GPR107: variants seen among roughly 807,000 people sequenced by gnomAD.
GPR107 encodes protein GPR107.
GPR107 carries 31 observed loss-of-function variants against 75.5 expected under a neutral mutation model. That is an observed-to-expected ratio of 0.41 (90% CI 0.31 to 0.55). GPR107 has a LOEUF of 0.55. Among genes scored for constraint, GPR107 ranks in the 20% least tolerant of loss-of-function variants. The probability of loss-of-function intolerance (pLI) is 0.26; values close to 1 mark genes in which losing one functional copy is unlikely to be tolerated. For missense variants in GPR107, 572 were observed against 665.7 expected (o/e 0.86, Z 1.55); for synonymous variants, 267 against 251.3 (o/e 1.06, Z -0.59).
At chr9:130,074,996 A>C (rs10739772) in intron 1 of GPR107, among the ~76,000 whole-genome samples, 1 of 150,584 alleles carries the variant, frequency 6.6e-6, no homozygotes, top group African/African-American at 2.4e-5. Context: ...CCTGCCCTGG[A>C]ATTCACATTT....
intron 14 of GPR107, chr9:130,110,564 C>T (rs770284834): frequency 1.0e-4 from 65 of 647,732 alleles, no homozygotes; most frequent in Non-Finnish European, 1.7e-4. Context: ...GGTTCATGTT[C>T]TTTTCCCTGA....
At chr9:130,073,876 C>T (rs1382764087) in intron 1 of GPR107, among the ~76,000 whole-genome samples, 4 of 152,250 alleles carry the variant, frequency 2.6e-5, no homozygotes. Context: ...CTGCCTCAGC[C>T]TCCCAAGTAG....
chr9:130,104,680 G>T, intron 13 of GPR107, 130 bp downstream of exon 13: 1 of 744,176 alleles, frequency 1.3e-6, no homozygotes, highest in East Asian at 2.7e-5. Context: ...CTGAGTCCCA[G>T]ACTGACCTGA....
chr9:130,117,363 T>C (rs529373343), intron 14 of GPR107, among the ~76,000 whole-genome samples: 1 of 152,198 alleles, frequency 6.6e-6, no homozygotes, highest in Non-Finnish European at 1.5e-5. Context: ...GCTCCTGATA[T>C]GGTCTTTGAG....
chr9:130,070,074 G>T (rs1830168116), intron 1 of GPR107, among the ~76,000 whole-genome samples: 1 of 144,074 alleles, frequency 6.9e-6, no homozygotes, highest in Admixed American at 7.2e-5. Context: ...CATGATCTTG[G>T]CTCATTTGGC....
At chr9:130,109,889 A>C (rs765861078) in intron 14 of GPR107, among the ~76,000 whole-genome samples, 1 of 152,196 alleles carries the variant, frequency 6.6e-6, no homozygotes, top group Non-Finnish European at 1.5e-5. Flanking sequence ...TTATTTTAAT[A>C]TATCGCGATG....
rs1156906586 is a variant in GPR107 at position 130,139,657 on chromosome 9, T to G, written c.*4536T>G. 6.6e-6 allele frequency: 1 copy of G among 152,260 alleles called. No individual in the cohort carries two copies. Among genetic ancestry groups the G allele is most frequent in the Non-Finnish European group, 1.5e-5 (1 of 68,140 alleles). The allele number at this position is 152,260 out of a possible 1,614,324, so 9.4% of individuals were successfully genotyped here. ...AGGGTGTCTGCAGGTGGGACGGCGT[T>G]CTGGGCAGAGTCAGAATGGTCAGAA... On this transcript the variant is annotated 3_prime_UTR_variant, in exon 18 of 18. Transcript: ENST00000347136.
intron 9 of GPR107, among the ~76,000 whole-genome samples, chr9:130,095,262 C>T (rs1470166182): frequency 6.6e-6 from 1 of 152,070 alleles, no homozygotes; most frequent in African/African-American, 2.4e-5. Context: ...CAAATCAGGG[C>T]GCAATCCAAA....
chr9:130,083,831 C>T (rs968816100), intron 6 of GPR107, among the ~76,000 whole-genome samples: 2 of 152,064 alleles, frequency 1.3e-5, no homozygotes, highest in African/African-American at 4.8e-5. Context: ...AGTATTTACA[C>T]ATAACCTACA....
chr9:130,127,795 C>T (rs1325822140), intron 16 of GPR107, among the ~76,000 whole-genome samples: 2 of 152,110 alleles, frequency 1.3e-5, no homozygotes, highest in South Asian at 2.1e-4. Context: ...CTCCACCTCC[C>T]GGGTTCAAGC....
At chr9:130,080,506 T>TA (rs1564665727) in intron 5 of GPR107, among the ~76,000 whole-genome samples, 3 of 150,702 alleles carry the variant, frequency 2.0e-5, no homozygotes, top group East Asian at 3.9e-4. Flanking sequence ...TTTATTTATT[T>TA]TTTGAGACGG....
At chr9:130,096,614 C>A (rs930675381) in intron 9 of GPR107, among the ~76,000 whole-genome samples, 1 of 151,878 alleles carries the variant, frequency 6.6e-6, no homozygotes, top group Non-Finnish European at 1.5e-5. Context: ...ACTACAGGCG[C>A]CTGCCACCAT....
At position 130,128,837 on chromosome 9, in the gene GPR107, C is replaced by T. The variant is rs989682628; in HGVS notation, c.1562+76C>T. ...CAAAGCAGCACAGTGTGAATCGGGT[C>T]GGCTGCTCTCAGCATTTCGTGGCTG... On this transcript the variant is annotated intron_variant, in intron 17 of 17. Coordinates refer to ENST00000347136, the MANE Select transcript of GPR107 (RefSeq NM_020960.5). 56 of 1,331,934 alleles carry T rather than the reference C, an allele frequency of 4.2e-5. 1 individual carries two copies. The highest frequency in any genetic ancestry group is 8.8e-5 in the African/African-American group (6 of 68,406). The allele number at this position is 1,331,934 out of a possible 1,614,324, so 82.5% of individuals were successfully genotyped here. A position where few individuals can be genotyped will look rare whatever the true frequency, so the allele number is the denominator to read the frequency against.
At chr9:130,124,010 G>T (rs558335270) in intron 14 of GPR107, among the ~76,000 whole-genome samples, 17 of 152,256 alleles carry the variant, frequency 1.1e-4, no homozygotes, top group African/African-American at 4.1e-4. Flanking sequence ...GATTCTTGTA[G>T]ATTCTGTTAG....
intron 17 of GPR107, chr9:130,133,183 T>A (rs1299074135): frequency 1.3e-5 from 2 of 152,216 alleles, no homozygotes; most frequent in African/African-American, 4.8e-5. Flanking sequence ...TTCTTTTTCC[T>A]TGATGACCTA....
intron 11 of GPR107, 114 bp from the exon 12 acceptor site, chr9:130,100,990 TTG>T: frequency 1.4e-6 from 1 of 726,668 alleles, no homozygotes; most frequent in Non-Finnish European, 2.5e-6. Context: ...TTTCCTAAAT[TTG>T]GCTGCCCGTC....
chr9:130,095,329 C>T lies in GPR107; in HGVS notation c.863+2948C>T, dbSNP rs560219722. Among the ~76,000 whole-genome samples, 4 of 152,186 alleles carry T rather than the reference C, an allele frequency of 2.6e-5. No homozygotes were observed. In the East Asian group the frequency reaches 7.7e-4, roughly 29 times the overall value. Reference sequence around the variant, plus strand: ...AGGGGTTCAGTGGTGTTTTAATTTTCCTTTAGTTATTGGTGGCAATAGTCA... The same window carrying T: ...AGGGGTTCAGTGGTGTTTTAATTTTTCTTTAGTTATTGGTGGCAATAGTCA... On this transcript the variant is annotated intron_variant, in intron 9 of 17. Coordinates refer to ENST00000347136, the MANE Select transcript of GPR107 (RefSeq NM_020960.5).
intron 9 of GPR107, among the ~76,000 whole-genome samples, chr9:130,094,837 T>G (rs1486421761): frequency 6.6e-6 from 1 of 152,022 alleles, no homozygotes; most frequent in African/African-American, 2.4e-5. Context: ...CCTGCCACCA[T>G]GCCTGGCGAA....
intron 14 of GPR107, among the ~76,000 whole-genome samples, chr9:130,122,894 A>G (rs776635145): frequency 1.2e-4 from 19 of 152,260 alleles, no homozygotes; most frequent in Middle Eastern, 3.4e-3. Flanking sequence ...CCAGCTACTC[A>G]GGAGGCTGAG....
Sources: allele counts gnomAD v4.1 joint callset (sites outside exome capture counted in the v4.1 genomes callset), GRCh38; gene constraint gnomAD v4.1.1; transcripts MANE v1.5; gene names NCBI Gene and HGNC (gene_info 2026-07-23, HGNC 2026-07-21).